FGGY: variants seen among roughly 807,000 people sequenced by gnomAD.
FGGY encodes FGGY carbohydrate kinase domain containing, also known as FGGY carbohydrate kinase domain-containing protein.
In FGGY, 72 loss-of-function variants were observed where a neutral mutation model predicts 71.3. The observed-to-expected ratio is 1.01, with a 90% CI of 0.84 to 1.23. The LOEUF (loss-of-function observed/expected upper bound fraction) is 1.23, where lower values mean the gene tolerates loss of function less well. FGGY is among the 50% of genes most tolerant of loss of function. The pLI is 0.00. For missense variants in FGGY, 668 were observed against 682.3 expected (o/e 0.98, Z 0.23); for synonymous variants, 251 against 250.3 (o/e 1.00, Z -0.02).
chr1:59,610,758 C>G (rs866528962), intron 9 of FGGY, among the ~76,000 whole-genome samples: 48 of 152,240 alleles, frequency 3.2e-4, no homozygotes, highest in African/African-American at 1.1e-3. Context: ...AATTCCCTTT[C>G]CTAGCCAAGG....
intron 8 of FGGY, among the ~76,000 whole-genome samples, chr1:59,600,154 A>T (rs1418066716): frequency 6.6e-6 from 1 of 152,208 alleles, no homozygotes; most frequent in Non-Finnish European, 1.5e-5. Context: ...GCAAGAAATG[A>T]TGAAGGGCTG....
intron 9 of FGGY, among the ~76,000 whole-genome samples, chr1:59,612,527 A>G (rs2096698076): frequency 6.6e-6 from 1 of 152,228 alleles, no homozygotes; most frequent in Non-Finnish European, 1.5e-5. Flanking sequence ...AACTGGTACC[A>G]GCCACTGCAA....
At chr1:59,416,952 A>T (rs1224265308) in intron 5 of FGGY, among the ~76,000 whole-genome samples, 2 of 152,118 alleles carry the variant, frequency 1.3e-5, no homozygotes, top group Non-Finnish European at 2.9e-5. Flanking sequence ...GGCTATTTAA[A>T]TTTTTTTAGA....
chr1:59,744,827 C>T (rs1476783673), intron 14 of FGGY, among the ~76,000 whole-genome samples: 1 of 152,158 alleles, frequency 6.6e-6, no homozygotes, highest in East Asian at 1.9e-4. Flanking sequence ...ATGGCTTCTA[C>T]CCTTTGACAT....
intron 2 of FGGY, among the ~76,000 whole-genome samples, chr1:59,335,342 A>G (rs997093615): frequency 2.6e-5 from 4 of 152,170 alleles, no homozygotes; most frequent in African/African-American, 9.7e-5. Context: ...TTCACTTAGC[A>G]TAATGTTTTT....
chr1:59,477,083 C>T (rs2093298421), intron 6 of FGGY, among the ~76,000 whole-genome samples: 1 of 152,190 alleles, frequency 6.6e-6, no homozygotes, highest in Non-Finnish European at 1.5e-5. Context: ...CATCTGACCT[C>T]ATGCCATTAT....
chr1:59,435,942 A>T (rs1379939145), intron 5 of FGGY, among the ~76,000 whole-genome samples: 1 of 152,126 alleles, frequency 6.6e-6, no homozygotes, highest in African/African-American at 2.4e-5. Flanking sequence ...ACATGGGAGG[A>T]GCTGACTTCA....
intron 5 of FGGY, among the ~76,000 whole-genome samples, chr1:59,433,158 G>A (rs920700580): frequency 3.3e-5 from 5 of 152,084 alleles, no homozygotes; most frequent in Admixed American, 1.3e-4. Context: ...CTTTGTTGTG[G>A]GGCTGTCCCA....
chr1:59,418,625 TA>T (rs1244159714), intron 5 of FGGY, among the ~76,000 whole-genome samples: 1 of 152,220 alleles, frequency 6.6e-6, no homozygotes, highest in Admixed American at 6.5e-5. Flanking sequence ...TTATGCTCAG[TA>T]AATCTACATT....
chr1:59,640,526 A>T (rs1558639688), intron 11 of FGGY, among the ~76,000 whole-genome samples: 1 of 152,198 alleles, frequency 6.6e-6, no homozygotes, highest in Non-Finnish European at 1.5e-5. Context: ...CGAGTGCTTG[A>T]AAAAATGTTA....
At chr1:59,460,205 G>A (rs1159117464) in intron 6 of FGGY, among the ~76,000 whole-genome samples, 2 of 152,102 alleles carry the variant, frequency 1.3e-5, no homozygotes, top group African/African-American at 4.8e-5. Context: ...CAAATACTGG[G>A]CTTTTCCAAC....
intron 14 of FGGY, among the ~76,000 whole-genome samples, chr1:59,723,550 T>G (rs1396974873): frequency 1.4e-5 from 2 of 139,668 alleles, no homozygotes; most frequent in African/African-American, 5.3e-5. Flanking sequence ...CTTGGCATTT[T>G]CTTGTTTTTT....
rs115485911 is a variant in FGGY, at chr1:59,619,198, G to A, written c.1012-6790G>A. Reference sequence around the variant, plus strand: ...TATTTATACAGCCAGTATTTACGGAGTGCTTACTATATTTGAGGTACTGTT... The same window carrying A: ...TATTTATACAGCCAGTATTTACGGAATGCTTACTATATTTGAGGTACTGTT... On this transcript the variant is annotated intron_variant, in intron 9 of 15. Coordinates refer to ENST00000303721, the MANE Select transcript of FGGY (RefSeq NM_018291.5). 6.5e-3 allele frequency among the ~76,000 whole-genome samples: 984 copies of A among 152,120 alleles called. 14 individuals are homozygous for A. Among genetic ancestry groups the A allele is most frequent in the African/African-American group, 0.023 (935 of 41,508 alleles).
intron 5 of FGGY, among the ~76,000 whole-genome samples, chr1:59,394,335 TA>T (rs907780771): frequency 1.3e-5 from 2 of 152,196 alleles, no homozygotes; most frequent in African/African-American, 4.8e-5. Flanking sequence ...AGCCTTTACA[TA>T]AAAGCTTCAG....
chr1:59,453,748 G>A (rs2091422390), intron 5 of FGGY, among the ~76,000 whole-genome samples: 1 of 152,108 alleles, frequency 6.6e-6, no homozygotes, highest in Non-Finnish European at 1.5e-5. Context: ...GCTCAGACTC[G>A]GAACTGGCAT....
At chr1:59,760,656 T>C (rs561087156) in intron 15 of FGGY, among the ~76,000 whole-genome samples, 7 of 152,322 alleles carry the variant, frequency 4.6e-5, no homozygotes, top group African/African-American at 7.2e-5. Context: ...TCAGTGAACC[T>C]TGAGGATATT....
At chr1:59,470,562 G>A (rs987546458) in intron 6 of FGGY, among the ~76,000 whole-genome samples, 1 of 152,112 alleles carries the variant, frequency 6.6e-6, no homozygotes, top group African/African-American at 2.4e-5. Flanking sequence ...GATGGAATAA[G>A]GGAGATTATA....
intron 13 of FGGY, among the ~76,000 whole-genome samples, chr1:59,670,942 T>A (rs910140039): frequency 6.6e-6 from 1 of 152,240 alleles, no homozygotes. Context: ...TGGGACTAAA[T>A]GTTCCTTCTT....
intron 14 of FGGY, among the ~76,000 whole-genome samples, chr1:59,697,955 C>T (rs767263158): frequency 6.6e-6 from 1 of 152,200 alleles, no homozygotes; most frequent in Non-Finnish European, 1.5e-5. Context: ...ATTGAACTCT[C>T]TGAGCCTCAG....
Sources: gnomAD v4.1 joint callset for allele counts (sites outside exome capture counted in the v4.1 genomes callset) on GRCh38, gnomAD v4.1.1 for gene constraint, MANE v1.5 for transcripts, NCBI Gene and HGNC (gene_info 2026-07-23, HGNC 2026-07-21) for gene names.